Variants in ASCC2 observed in about 807,000 individuals in gnomAD.
The protein encoded by ASCC2 is ASC-1 complex subunit P100.
A neutral mutation model predicts 93.5 loss-of-function variants in ASCC2; 42 were observed. The ratio of observed to expected loss-of-function variants is 0.45; its 90% confidence interval spans 0.35 to 0.58. ASCC2 has a LOEUF of 0.58. Ranked by LOEUF, ASCC2 falls within the 20% of genes least tolerant of loss-of-function variation. The pLI is 0.00. For synonymous variants in ASCC2, 364 were observed against 384.2 expected, an observed-to-expected ratio of 0.95 and a Z score of 0.62; for missense variants, 859 against 977.6, an observed-to-expected ratio of 0.88 and a Z score of 1.62.
At chr22:29,792,883 C>T (rs1230428791) in intron 17 of ASCC2, among the ~76,000 whole-genome samples, 4 of 152,164 alleles carry the variant, frequency 2.6e-5, no homozygotes, top group South Asian at 2.1e-4. Context: ...CGGTGGCTCA[C>T]GCCTGTAATA....
intron 15 of ASCC2, among the ~76,000 whole-genome samples, chr22:29,797,199 G>A (rs2058546284): frequency 2.0e-5 from 3 of 152,234 alleles, no homozygotes; most frequent in Non-Finnish European, 4.4e-5. Context: ...AATGGTGGCT[G>A]CAGAGACCCT....
intron 5 of ASCC2, among the ~76,000 whole-genome samples, chr22:29,820,293 G>A (rs2148109106): frequency 6.6e-6 from 1 of 152,156 alleles, no homozygotes; most frequent in Non-Finnish European, 1.5e-5. Flanking sequence ...CTCCCGGGTA[G>A]CTGGGATTAC....
At position 29,806,213 on chromosome 22, in the gene ASCC2, T is replaced by C. The variant is rs1328007061; in HGVS notation, c.1160+3A>G. The C allele has an allele frequency of 8.1e-6, 13 of 1,613,974 alleles. No individual in the cohort carries two copies. Among genetic ancestry groups the C allele is most frequent in the East Asian group, 2.2e-5 (1 of 44,850 alleles). On this transcript the variant is annotated splice_donor_region_variant and intron_variant, in intron 12 of 19. Coordinates refer to ENST00000307790, the MANE Select transcript of ASCC2 (RefSeq NM_032204.5). ...GTCGTAGTGGGCTATGGTAGAAGGA[T>C]ACAAGACTGATGAGGCCTGCTGCAG...
At chr22:29,817,166 C>T (rs1415435461) in intron 5 of ASCC2, among the ~76,000 whole-genome samples, 1 of 152,128 alleles carries the variant, frequency 6.6e-6, no homozygotes, top group Non-Finnish European at 1.5e-5. Flanking sequence ...CTGAGTTTTA[C>T]CAGCCCGCAC....
chr22:29,800,181 C>T (rs2058917360), intron 15 of ASCC2, among the ~76,000 whole-genome samples: 1 of 152,198 alleles, frequency 6.6e-6, no homozygotes, highest in South Asian at 2.1e-4. Context: ...CCCTGTTGCT[C>T]TGCTTGGGAA....
rs572329485 is a variant in ASCC2, at chr22:29,796,600, A to T, written c.1689-2924T>A. ...GGTGCACTTGATTTAGACCAGGGAG[A>T]AATCTCAGTTCAAAGAAATCTTTCA... is the stretch of plus-strand genomic sequence containing the variant. On this transcript the variant is annotated intron_variant, in intron 15 of 19. Transcript: ENST00000307790. Among the ~76,000 whole-genome samples, 90 of 152,144 alleles carry T rather than the reference A, an allele frequency of 5.9e-4. 2 individuals carry two copies. The South Asian group carries it at 0.018, about 31-fold the overall frequency.
intron 7 of ASCC2, among the ~76,000 whole-genome samples, chr22:29,813,768 C>T (rs1267904652): frequency 1.3e-5 from 2 of 152,150 alleles, no homozygotes; most frequent in Non-Finnish European, 2.9e-5. Context: ...ACTCCAATGG[C>T]CTTACACCCA....
chr22:29,797,749 A>C (rs889299758), intron 15 of ASCC2, among the ~76,000 whole-genome samples: 2 of 152,214 alleles, frequency 1.3e-5, no homozygotes, highest in Admixed American at 1.3e-4. Context: ...GGGCACAGAC[A>C]CTTAAAATAA....
Position 29,788,850 on chromosome 22 carries a change from T to C in ASCC2, c.*163A>G. The C allele has an allele frequency of 2.4e-6, 2 of 819,874 alleles. No homozygotes were observed. The highest frequency in any genetic ancestry group is 2.6e-5 in the East Asian group (1 of 38,962). 50.8% of individuals were successfully genotyped at this position (819,874 alleles called of 1,614,324 possible). A position where few individuals can be genotyped will look rare whatever the true frequency, so the allele number is the denominator to read the frequency against. ...TGTGTGTTCTGCAGGAAGGCGCTCA[T>C]GGCTGGCTGGTAGATGAGAGGCGGC... On this transcript the variant is annotated 3_prime_UTR_variant, in exon 20 of 20. Coordinates refer to ENST00000307790, the MANE Select transcript of ASCC2 (RefSeq NM_032204.5).
intron 14 of ASCC2, 70 bp from the exon 15 acceptor site, chr22:29,801,180 C>T (rs2059037282): frequency 6.6e-7 from 1 of 1,511,220 alleles, no homozygotes; most frequent in Non-Finnish European, 8.9e-7. Flanking sequence ...CCCACTTCCC[C>T]CTGCTGTATT....
At chr22:29,834,323 C>T (rs1322279254) in intron 1 of ASCC2, 4 of 353,016 alleles carry the variant, frequency 1.1e-5, no homozygotes, top group African/African-American at 2.2e-5. Context: ...AGAGACTGGC[C>T]AGGGAAGAAG....
rs1453720683 is a variant in ASCC2 at position 29,814,481 on chromosome 22, T to C, written c.720+176A>G. Among the ~76,000 whole-genome samples the C allele has an allele frequency of 2.0e-5, 3 of 152,344 alleles. No individual in the cohort carries two copies. The East Asian group carries it at 5.8e-4, about 29-fold the overall frequency. On this transcript the variant is annotated intron_variant, in intron 7 of 19. Transcript: ENST00000307790. ...GAGAGAAATCCAAGCCAGCTGAAAATGCTCTAAACCTGTGTGATGGGACAT... is the reference window on the plus strand; with the variant it reads ...GAGAGAAATCCAAGCCAGCTGAAAACGCTCTAAACCTGTGTGATGGGACAT...
At chr22:29,798,730 A>C (rs1314832121) in intron 15 of ASCC2, among the ~76,000 whole-genome samples, 4 of 151,594 alleles carry the variant, frequency 2.6e-5, no homozygotes, top group Non-Finnish European at 4.4e-5. Flanking sequence ...CCACCCCAGC[A>C]CCTCCCACTC....
intron 17 of ASCC2, 36 bp from the exon 18 acceptor site, chr22:29,792,571 G>A (rs1269478676): frequency 6.2e-7 from 1 of 1,611,292 alleles, no homozygotes; most frequent in Middle Eastern, 1.7e-4. Context: ...CAAAGACGAG[G>A]TTCAACCAGG....
chr22:29,832,495 C>A, intron 1 of ASCC2, 153 bp from the exon 2 acceptor site: 1 of 554,834 alleles, frequency 1.8e-6, no homozygotes, highest in Non-Finnish European at 3.2e-6. Flanking sequence ...CATGCACCTA[C>A]TAACCCAGCC....
intron 4 of ASCC2, among the ~76,000 whole-genome samples, chr22:29,823,167 T>C (rs542888184): frequency 6.6e-6 from 1 of 152,220 alleles, no homozygotes; most frequent in African/African-American, 2.4e-5. Flanking sequence ...GCCTCCCAAG[T>C]AGCTGGGATT....
Position 29,832,078 on chromosome 22 carries a change from A to C in ASCC2, c.81+167T>G, listed in dbSNP as rs1011020573. On this transcript the variant is annotated intron_variant, in intron 2 of 19. Coordinates refer to ENST00000307790, the MANE Select transcript of ASCC2 (RefSeq NM_032204.5). ...CAAATTCAAGTTGCTGCTCGGAAGG[A>C]AATTCCTACTCTGGGCCTGGAAGAG... Among the ~76,000 whole-genome samples the C allele has an allele frequency of 1.5e-4, 23 of 152,162 alleles. 1 individual carries two copies. Among genetic ancestry groups the C allele is most frequent in the African/African-American group, 5.6e-4 (23 of 41,440 alleles).
At chr22:29,833,579 T>C (rs1348316819) in intron 1 of ASCC2, 4 of 470,966 alleles carry the variant, frequency 8.5e-6, no homozygotes, top group East Asian at 6.9e-5. Context: ...GTCTCCTGTC[T>C]TGCTGTCCAG....
chr22:29,801,072 C>T lies in ASCC2; in HGVS notation c.1607G>A (p.Arg536His), dbSNP rs369487758. The T allele has an allele frequency of 8.1e-6, 13 of 1,608,488 alleles. No individual in the cohort carries two copies. Among genetic ancestry groups the T allele is most frequent in the African/African-American group, 5.3e-5 (4 of 74,822 alleles). Residue 536 changes from arginine to histidine, a missense_variant, in exon 15 of 20, where the codon CGC (arginine) becomes CAC (histidine). Transcript: ENST00000307790. ...KPDPTPLLTS[R>H]HNVFQNDEFD... Reference sequence around the variant, plus strand: ...CTCGTCATTCTGGAAGACGTTGTGGCGAGACGTCAGCAGGGGTGTAGGGTC... The same window carrying T: ...CTCGTCATTCTGGAAGACGTTGTGGTGAGACGTCAGCAGGGGTGTAGGGTC...
Sources: allele counts gnomAD v4.1 joint callset (sites outside exome capture counted in the v4.1 genomes callset), GRCh38; gene constraint gnomAD v4.1.1; transcripts MANE v1.5; gene names NCBI Gene and HGNC (gene_info 2026-07-23, HGNC 2026-07-21).